Variants in PTPRK observed in about 807,000 individuals in gnomAD.
PTPRK encodes receptor-type tyrosine-protein phosphatase kappa.
A neutral mutation model predicts 178.0 loss-of-function variants in PTPRK; 75 were observed. The ratio of observed to expected loss-of-function variants is 0.42; its 90% CI spans 0.35 to 0.51. The LOEUF is 0.51. Among genes scored for constraint, PTPRK ranks in the 20% least tolerant of loss-of-function variants. The pLI, the probability that PTPRK is intolerant of heterozygous loss-of-function variation, is 0.02. For synonymous variants in PTPRK, 637 were observed against 620.6 expected, an observed-to-expected ratio of 1.03 and a Z score of -0.39; for missense variants, 1,441 against 1,797.8, an observed-to-expected ratio of 0.80 and a Z score of 3.59.
chr6:127,985,137 A>C (rs1029651158), intron 22 of PTPRK, among the ~76,000 whole-genome samples: 1 of 152,178 alleles, frequency 6.6e-6, no homozygotes, highest in African/African-American at 2.4e-5. Context: ...TAGTATCTCT[A>C]AATGCTTGTT....
At chr6:128,105,099 T>C (rs1239087147) in intron 7 of PTPRK, among the ~76,000 whole-genome samples, 1 of 152,080 alleles carries the variant, frequency 6.6e-6, no homozygotes, top group Non-Finnish European at 1.5e-5. Flanking sequence ...CAAGTTTCTC[T>C]AGGGCAAGAA....
intron 7 of PTPRK, among the ~76,000 whole-genome samples, chr6:128,095,502 G>A (rs968844105): frequency 3.9e-5 from 6 of 152,104 alleles, no homozygotes; most frequent in African/African-American, 1.4e-4. Context: ...GTGGAAAAGA[G>A]GGATGAGGAA....
At chr6:127,995,213 A>G in intron 18 of PTPRK, 1 of 1,556,564 alleles carries the variant, frequency 6.4e-7, no homozygotes, top group Non-Finnish European at 8.8e-7. Context: ...TTGTATTTAT[A>G]ATAGGGTGCT....
At chr6:128,122,087 CT>C (rs1792560980) in intron 7 of PTPRK, among the ~76,000 whole-genome samples, 1 of 152,118 alleles carries the variant, frequency 6.6e-6, no homozygotes, top group Non-Finnish European at 1.5e-5. Flanking sequence ...GAATCACTTA[CT>C]TCATCATATA....
chr6:128,126,883 G>T (rs943613607), intron 7 of PTPRK, among the ~76,000 whole-genome samples: 1 of 152,048 alleles, frequency 6.6e-6, no homozygotes, highest in Non-Finnish European at 1.5e-5. Context: ...CAAAGTAACT[G>T]TACCAACTTG....
chr6:128,495,872 TGCATTCTCTCCAATGCACC>T (rs1316628888), intron 1 of PTPRK, among the ~76,000 whole-genome samples: 4 of 152,202 alleles, frequency 2.6e-5, no homozygotes, highest in Admixed American at 6.5e-5. Flanking sequence ...TGCAATGCAC[TGCATTCTCTCCAATGCACC>T]GCATTCTCTC....
chr6:128,042,039 A>T (rs1419140375), intron 13 of PTPRK, among the ~76,000 whole-genome samples: 3 of 151,926 alleles, frequency 2.0e-5, no homozygotes, highest in Non-Finnish European at 4.4e-5. Context: ...CTGCCACCTA[A>T]GAAGAAACCC....
chr6:128,046,249 TAAATC>T (rs1307344038), intron 13 of PTPRK, among the ~76,000 whole-genome samples: 1 of 152,134 alleles, frequency 6.6e-6, no homozygotes, highest in East Asian at 1.9e-4. Flanking sequence ...AGAAAAACCT[TAAATC>T]AGATTAATTT....
chr6:128,077,735 TG>T (rs1447872070), intron 11 of PTPRK, among the ~76,000 whole-genome samples: 2 of 152,012 alleles, frequency 1.3e-5, no homozygotes, highest in Admixed American at 1.3e-4. Flanking sequence ...AATGGAAACT[TG>T]TTTAAGTTTT....
Position 128,256,483 on chromosome 6 carries a change from G to T in PTPRK, c.496-13881C>A, listed in dbSNP as rs990860175. 2.7e-5 allele frequency among the ~76,000 whole-genome samples: 4 copies of T among 145,492 alleles called. No individual in the cohort carries two copies. The South Asian group carries it at 6.5e-4, about 24-fold the overall frequency. ...TTTTGAGATGGAGTCTCGTTCTGTT[G>T]CCAGGTTGGAGTGCAGTGGCGATCT... On this transcript the variant is annotated intron_variant, in intron 3 of 29. Transcript: ENST00000368226.
At chr6:128,502,505 C>A (rs1855706509) in intron 1 of PTPRK, among the ~76,000 whole-genome samples, 1 of 152,068 alleles carries the variant, frequency 6.6e-6, no homozygotes, top group South Asian at 2.1e-4. Context: ...ATAGAAAGAT[C>A]CCATAATTAA....
At chr6:128,176,537 G>A (rs941608802) in intron 7 of PTPRK, among the ~76,000 whole-genome samples, 1 of 151,746 alleles carries the variant, frequency 6.6e-6, no homozygotes, top group Admixed American at 6.6e-5. Flanking sequence ...GACATAAAAG[G>A]CATGAATTTC....
intron 7 of PTPRK, among the ~76,000 whole-genome samples, chr6:128,138,716 G>C (rs1795356493): frequency 6.6e-6 from 1 of 151,902 alleles, no homozygotes; most frequent in African/African-American, 2.4e-5. Context: ...AATCATCTGG[G>C]ACTTCAAGCA....
At chr6:128,036,690 C>G (rs977324247) in intron 13 of PTPRK, among the ~76,000 whole-genome samples, 1 of 151,002 alleles carries the variant, frequency 6.6e-6, no homozygotes, top group Non-Finnish European at 1.5e-5. Context: ...ACCATTCATC[C>G]TTGATCATTT....
intron 5 of PTPRK, among the ~76,000 whole-genome samples, chr6:128,221,295 C>A (rs895614798): frequency 1.3e-5 from 2 of 151,822 alleles, no homozygotes; most frequent in East Asian, 1.9e-4. Context: ...GAGGCCGAGG[C>A]GGCTGGATCA....
chr6:128,017,791 A>T (rs979490652), intron 13 of PTPRK, among the ~76,000 whole-genome samples: 6 of 77,642 alleles, frequency 7.7e-5, no homozygotes, highest in South Asian at 5.1e-4. Context: ...TATATAAATA[A>T]ATATATATGT....
In PTPRK at chr6:128,089,965, T is replaced by C; in HGVS notation, c.1190A>G (p.Lys397Arg). The change falls in exon 8 of 30, where the codon AAG becomes AGG. Residue 397 changes from lysine (K) to arginine (R), a missense_variant. By Grantham distance (26) the Lys-to-Arg change is conservative. Coordinates refer to ENST00000368226, the MANE Select transcript of PTPRK (RefSeq NM_002844.4). Reference protein sequence around the residue: ...AEPMRTPKTLKIAEIQARRIA... With the variant: ...AEPMRTPKTLRIAEIQARRIA... ...CCGTCTTGCCTGTATTTCAGCAATC[T>C]TTAATGTCTTTGGGGTTCTCATAGG... The C allele has an allele frequency of 6.2e-7, 1 of 1,609,286 alleles. No homozygotes were observed. Among genetic ancestry groups the C allele is most frequent in the Non-Finnish European group, 8.5e-7 (1 of 1,175,630 alleles).
intron 3 of PTPRK, among the ~76,000 whole-genome samples, chr6:128,260,600 A>C (rs2128293227): frequency 6.6e-6 from 1 of 152,298 alleles, no homozygotes; most frequent in Middle Eastern, 3.4e-3. Context: ...TGTTTCTTGA[A>C]GATGCTTGTA....
chr6:128,435,980 T>G (rs1436273848), intron 1 of PTPRK, among the ~76,000 whole-genome samples: 1 of 84,682 alleles, frequency 1.2e-5, no homozygotes, highest in African/African-American at 4.2e-5. Context: ...CTGGCCAAAA[T>G]GAGAAAGAGG....
Sources: allele counts gnomAD v4.1 joint callset (sites outside exome capture counted in the v4.1 genomes callset), GRCh38; gene constraint gnomAD v4.1.1; transcripts MANE v1.5; gene names NCBI Gene and HGNC (gene_info 2026-07-23, HGNC 2026-07-21).